Variants in CDON observed in about 807,000 individuals in gnomAD.
CDON encodes cell adhesion associated, oncogene regulated, also known as cell adhesion molecule-related/down-regulated by oncogenes.
Under a neutral mutation model 120.9 loss-of-function variants are expected in CDON, and 73 were observed. The observed-to-expected ratio is 0.60, with a 90% CI of 0.50 to 0.73. The LOEUF is 0.73. Ranked by LOEUF, CDON falls within the 30% of genes least tolerant of loss-of-function variation. The pLI is 0.00. For missense variants in CDON, 1,470 were observed against 1,587.3 expected (o/e 0.93, Z 1.26); for synonymous variants, 566 against 573.5 (o/e 0.99, Z 0.19).
intron 9 of CDON, chr11:126,005,304 AAAAAAAAAAAAAAACAAACAAACAAAC>A (rs199970036): frequency 0.53 from 94,798 of 178,490 alleles, 23,073 homozygotes; most frequent in Non-Finnish European, 0.58. Context: ...CCTGTCTCAA[AAAAAAAAAAAAAAACAAACAAACAAAC>A]AAAAAAAAAC....
chr11:126,005,683 G>A, intron 9 of CDON, 76 bp downstream of exon 9: 1 of 1,359,764 alleles, frequency 7.4e-7, no homozygotes, highest in South Asian at 1.2e-5. Context: ...TTCTACAAAT[G>A]AAAAGGCAAC....
intron 18 of CDON, among the ~76,000 whole-genome samples, chr11:125,973,018 C>CTTTTTTTTT (rs35828939): frequency 3.4e-5 from 3 of 87,070 alleles, no homozygotes; most frequent in Non-Finnish European, 6.7e-5. Flanking sequence ...ATTACTTGGT[C>CTTTTTTTTT]TTTTTTTTTT....
chr11:126,057,270 G>C (rs1948702705), intron 1 of CDON, among the ~76,000 whole-genome samples: 1 of 152,136 alleles, frequency 6.6e-6, no homozygotes, highest in South Asian at 2.1e-4. Flanking sequence ...TATCCAATGT[G>C]CCAATAAAAT....
At chr11:126,039,190 A>T (rs1423158166) in intron 1 of CDON, among the ~76,000 whole-genome samples, 1 of 152,244 alleles carries the variant, frequency 6.6e-6, no homozygotes, top group Non-Finnish European at 1.5e-5. Context: ...GTGAAGAAGC[A>T]TCTAGCATGA....
At chr11:126,024,100 A>T (rs890179603) in intron 1 of CDON, among the ~76,000 whole-genome samples, 74 of 152,308 alleles carry the variant, frequency 4.9e-4, no homozygotes, top group African/African-American at 1.7e-3. Flanking sequence ...CTGTGTTGGG[A>T]TTGGGCTTGG....
At chr11:126,031,823 C>T (rs546034810) in intron 1 of CDON, among the ~76,000 whole-genome samples, 1 of 152,348 alleles carries the variant, frequency 6.6e-6, no homozygotes, top group East Asian at 1.9e-4. Flanking sequence ...TTTCCTGACT[C>T]TACACCACCC....
chr11:126,029,021 G>A (rs1035478528), intron 1 of CDON, among the ~76,000 whole-genome samples: 2 of 151,916 alleles, frequency 1.3e-5, no homozygotes, highest in African/African-American at 4.8e-5. Context: ...CCAAAAAGAG[G>A]CCCCCAATAG....
At chr11:125,998,845 G>C (rs914557224) in intron 11 of CDON, among the ~76,000 whole-genome samples, 1 of 152,176 alleles carries the variant, frequency 6.6e-6, no homozygotes, top group African/African-American at 2.4e-5. Flanking sequence ...CAAGTTTCTA[G>C]AGCTGGAATG....
At position 125,960,899 on chromosome 11, in the gene CDON, T is replaced by G; in HGVS notation, c.*43A>C. The G allele has an allele frequency of 1.3e-6, 2 of 1,597,714 alleles. No individual in the cohort carries two copies. The highest frequency in any genetic ancestry group is 1.7e-6 in the Non-Finnish European group (2 of 1,165,942). On this transcript the variant is annotated 3_prime_UTR_variant, in exon 20 of 20. Coordinates refer to ENST00000531738, the MANE Select transcript of CDON (RefSeq NM_001378964.1). ...TCGCTCCCAGGCCTGTTGTGTGCAGTTACCGGCTTGAAGTTGGAACATGAC... is the reference window on the plus strand; with the variant it reads ...TCGCTCCCAGGCCTGTTGTGTGCAGGTACCGGCTTGAAGTTGGAACATGAC...
chr11:125,971,408 A>AAATAAATAAATAAAT (rs1555114721), intron 18 of CDON, among the ~76,000 whole-genome samples: 1 of 146,276 alleles, frequency 6.8e-6, no homozygotes, highest in Non-Finnish European at 1.5e-5. Context: ...ATAAATAAAT[A>AAATAAATAAATAAAT]AATAATAATA....
chr11:126,035,300 C>CA (rs1447846959), intron 1 of CDON, among the ~76,000 whole-genome samples: 8 of 152,174 alleles, frequency 5.3e-5, no homozygotes, highest in Non-Finnish European at 2.9e-5. Flanking sequence ...AAACTTGAAT[C>CA]AACGCTGGCT....
chr11:125,990,901 T>C (rs1229393616), intron 14 of CDON, among the ~76,000 whole-genome samples: 3 of 152,146 alleles, frequency 2.0e-5, no homozygotes, highest in Admixed American at 2.0e-4. Flanking sequence ...CTACGCCCCA[T>C]TTATAAATGT....
rs1591393975 is a variant in CDON, at chr11:126,019,911, T to C, written c.350-146A>G. 4 of 721,772 alleles carry C rather than the reference T, an allele frequency of 5.5e-6. No homozygotes were observed. The East Asian group carries it at 1.1e-4, about 20-fold the overall frequency. The allele number at this position is 721,772 out of a possible 1,614,324, so 44.7% of individuals were successfully genotyped here. A position where few individuals can be genotyped will look rare whatever the true frequency, so the allele number is the denominator to read the frequency against. ...TCCAGAGGGCTGCATGATCTTTTCA[T>C]CTCAGAAAGCAGCTGGGGCAAGCTA... On this transcript the variant is annotated intron_variant, in intron 3 of 19. Transcript: ENST00000531738.
In CDON at chr11:125,987,244, C is replaced by G. The variant is rs117957373; in HGVS notation, c.2773+2393G>C. Among the ~76,000 whole-genome samples, 23 of 152,084 alleles carry G rather than the reference C, an allele frequency of 1.5e-4. No individual in the cohort carries two copies. In the East Asian group the frequency reaches 4.5e-3, roughly 29 times the overall value. Reference sequence around the variant, plus strand: ...ATCCATTAACACTGATAGGAAGAGACAGCTAACAGCCTGAAAAAAGAAAGG... The same window carrying G: ...ATCCATTAACACTGATAGGAAGAGAGAGCTAACAGCCTGAAAAAAGAAAGG... On this transcript the variant is annotated intron_variant, in intron 15 of 19. Transcript: ENST00000531738.
At position 125,969,289 on chromosome 11, in the gene CDON, C is replaced by T. The variant is rs907599774; in HGVS notation, c.3357-7291G>A. 4.6e-5 allele frequency among the ~76,000 whole-genome samples: 7 copies of T among 152,150 alleles called. 1 individual carries two copies. Among genetic ancestry groups the T allele is most frequent in the Non-Finnish European group, 4.4e-5 (3 of 68,034 alleles). On this transcript the variant is annotated intron_variant, in intron 18 of 19. Coordinates refer to ENST00000531738, the MANE Select transcript of CDON (RefSeq NM_001378964.1). Reference sequence around the variant, plus strand: ...CTGGGATTACAGGCGTGAGCCACCACGCCTGGACCGTGAAAACAAATATTT... The same window carrying T: ...CTGGGATTACAGGCGTGAGCCACCATGCCTGGACCGTGAAAACAAATATTT...
intron 18 of CDON, among the ~76,000 whole-genome samples, chr11:125,965,986 A>C (rs1272277048): frequency 6.6e-6 from 1 of 152,112 alleles, no homozygotes; most frequent in Non-Finnish European, 1.5e-5. Context: ...AAATACAAAA[A>C]ATTAGCCAGG....
chr11:126,010,277 T>C (rs957883777), intron 8 of CDON, 64 bp downstream of exon 8: 1 of 1,118,062 alleles, frequency 8.9e-7, no homozygotes, highest in Non-Finnish European at 1.3e-6. Context: ...ATATTTCAAA[T>C]CACTTTATCT....
intron 18 of CDON, among the ~76,000 whole-genome samples, chr11:125,971,444 C>T (rs1406951654): frequency 6.6e-6 from 1 of 151,722 alleles, no homozygotes. Flanking sequence ...TTCATCTCTA[C>T]ATGTTGTTGT....
intron 11 of CDON, 44 bp downstream of exon 11, chr11:126,001,675 T>A (rs1272909711): frequency 6.3e-7 from 1 of 1,581,342 alleles, no homozygotes; most frequent in Non-Finnish European, 8.7e-7. Flanking sequence ...CTGAAGCAGG[T>A]CAGTTATATT....
Sources: gnomAD v4.1 joint callset for allele counts (sites outside exome capture counted in the v4.1 genomes callset) on GRCh38, gnomAD v4.1.1 for gene constraint, MANE v1.5 for transcripts, NCBI Gene and HGNC (gene_info 2026-07-23, HGNC 2026-07-21) for gene names.